Variants in TIMP3 observed in about 807,000 individuals in gnomAD.
TIMP3 encodes metalloproteinase inhibitor 3.
Under a neutral mutation model 30.0 loss-of-function variants are expected in TIMP3, and 11 were observed. The observed-to-expected ratio is 0.37, with a 90% CI of 0.23 to 0.61. The LOEUF is 0.61. Among genes scored for constraint, TIMP3 ranks in the 20% least tolerant of loss-of-function variants. The pLI, the probability that TIMP3 is intolerant of heterozygous loss-of-function variation, is 0.70. For missense variants in TIMP3, 181 were observed against 276.8 expected, an observed-to-expected ratio of 0.65 and a Z score of 2.45; for synonymous variants, 112 against 111.3, an observed-to-expected ratio of 1.01 and a Z score of -0.04.
intron 2 of TIMP3, among the ~76,000 whole-genome samples, chr22:32,856,589 C>A (rs1215086341): frequency 6.6e-6 from 1 of 152,126 alleles, no homozygotes; most frequent in African/African-American, 2.4e-5. Flanking sequence ...TTGATATATT[C>A]AAAAATGTAT....
chr22:32,839,134 T>C (rs974674059), intron 1 of TIMP3, among the ~76,000 whole-genome samples: 1 of 151,924 alleles, frequency 6.6e-6, no homozygotes, highest in Non-Finnish European at 1.5e-5. Flanking sequence ...CAGGTTCATA[T>C]AGTGATGGGG....
chr22:32,847,376 G>A (rs2048096588), intron 1 of TIMP3, among the ~76,000 whole-genome samples: 1 of 152,182 alleles, frequency 6.6e-6, no homozygotes, highest in African/African-American at 2.4e-5. Flanking sequence ...TTTTACAGCA[G>A]ACTTGGAAAC....
Position 32,859,669 on chromosome 22 carries a change from A to C in TIMP3, c.*292A>C. On this transcript the variant is annotated 3_prime_UTR_variant, in exon 5 of 5. Transcript: ENST00000266085. ...TATTCCTCTTCTTCGTGATAATATA[A>C]TCTCTATTTTTTTAGGAAAACAAAA... 2.4e-6 allele frequency: 1 copy of C among 410,730 alleles called. No individual in the cohort carries two copies. The highest frequency in any genetic ancestry group is 4.3e-6 in the Non-Finnish European group (1 of 230,216). 25.4% of individuals were successfully genotyped at this position (410,730 alleles called of 1,614,324 possible).
At chr22:32,819,730 C>T (rs942442833) in intron 1 of TIMP3, among the ~76,000 whole-genome samples, 12 of 152,042 alleles carry the variant, frequency 7.9e-5, no homozygotes, top group African/African-American at 2.4e-4. Context: ...CTTTTGTTTT[C>T]GAAAGTTCAA....
Position 32,859,626 on chromosome 22 carries a change from G to T in TIMP3, c.*249G>T. 1 of 525,248 alleles carries T rather than the reference G, an allele frequency of 1.9e-6. No individual in the cohort carries two copies. The highest frequency in any genetic ancestry group is 3.4e-6 in the Non-Finnish European group (1 of 297,226). The allele number at this position is 525,248 out of a possible 1,614,324, so 32.5% of individuals were successfully genotyped here. On this transcript the variant is annotated 3_prime_UTR_variant, in exon 5 of 5. Coordinates refer to ENST00000266085, the MANE Select transcript of TIMP3 (RefSeq NM_000362.5). ...CCTGGGAATTTCTGGTGCCATGCCA[G>T]AAAGAATGAGGAACCTGTATTCCTC...
chr22:32,857,212 G>T, intron 2 of TIMP3, 37 bp from the exon 3 acceptor site: 1 of 1,538,616 alleles, frequency 6.5e-7, no homozygotes, highest in Non-Finnish European at 9.0e-7. Context: ...TGTCCAAACT[G>T]GGAAAGAAGA....
intron 1 of TIMP3, among the ~76,000 whole-genome samples, chr22:32,814,705 A>T (rs952537045): frequency 6.6e-6 from 1 of 152,214 alleles, no homozygotes; most frequent in African/African-American, 2.4e-5. Flanking sequence ...TTTGTTTCAA[A>T]AAGTTAATTA....
chr22:32,811,329 A>G (rs1306239283), intron 1 of TIMP3, among the ~76,000 whole-genome samples: 2 of 152,250 alleles, frequency 1.3e-5, no homozygotes, highest in African/African-American at 4.8e-5. Flanking sequence ...AGTCTATACA[A>G]GAGACTGATT....
At chr22:32,804,136 T>C (rs1488326291) in intron 1 of TIMP3, among the ~76,000 whole-genome samples, 1 of 152,092 alleles carries the variant, frequency 6.6e-6, no homozygotes, top group Non-Finnish European at 1.5e-5. Context: ...ACCAGGAGAT[T>C]GTGGAATCAA....
chr22:32,825,850 T>C (rs541965137), intron 1 of TIMP3, among the ~76,000 whole-genome samples: 2 of 152,176 alleles, frequency 1.3e-5, no homozygotes, highest in South Asian at 4.1e-4. Context: ...GAAAACAACA[T>C]AGCCATTCAA....
intron 1 of TIMP3, among the ~76,000 whole-genome samples, chr22:32,847,506 C>G (rs2048101690): frequency 6.6e-6 from 1 of 152,186 alleles, no homozygotes; most frequent in Non-Finnish European, 1.5e-5. Flanking sequence ...CATCTGAACC[C>G]TGACTTCATG....
chr22:32,809,581 G>T (rs2046857773), intron 1 of TIMP3, among the ~76,000 whole-genome samples: 1 of 152,038 alleles, frequency 6.6e-6, no homozygotes, highest in Admixed American at 6.5e-5. Context: ...GTTTGGAACA[G>T]TTATCCGACA....
chr22:32,821,187 C>T (rs899796577), intron 1 of TIMP3, among the ~76,000 whole-genome samples: 3 of 152,146 alleles, frequency 2.0e-5, no homozygotes, highest in Admixed American at 1.3e-4. Context: ...CTGCCTTTTA[C>T]CACTGGAGTT....
rs141376631 is a variant in TIMP3 at position 32,846,398 on chromosome 22, T to C, written c.122-3054T>C. ...CTCCCAGGCCTTAGCTTACAGTGCA[T>C]GTTAGAAGTCTGAAGATGGTATGCC... On this transcript the variant is annotated intron_variant, in intron 1 of 4. Transcript: ENST00000266085. 6.6e-5 allele frequency among the ~76,000 whole-genome samples: 10 copies of C among 152,356 alleles called. No homozygotes were observed. In the East Asian group the frequency reaches 1.9e-3, roughly 29 times the overall value.
intron 1 of TIMP3, among the ~76,000 whole-genome samples, chr22:32,825,988 T>C (rs886507060): frequency 1.3e-5 from 2 of 152,204 alleles, no homozygotes; most frequent in Non-Finnish European, 2.9e-5. Flanking sequence ...GGGAAAAGTC[T>C]TGAAGGTAAT....
intron 1 of TIMP3, among the ~76,000 whole-genome samples, chr22:32,814,320 A>AAAGAAAGAAAGAAAGAAAGAAAGAAAGG (rs1403362319): frequency 3.5e-5 from 5 of 144,704 alleles, no homozygotes; most frequent in African/African-American, 1.1e-4. Context: ...AGAGAGACAG[A>AAAGAAAGAAAGAAAGAAAGAAAGAAAGG]AAGAAAGAAA....
intron 1 of TIMP3, among the ~76,000 whole-genome samples, chr22:32,809,609 T>G (rs144333148): frequency 2.8e-4 from 43 of 152,322 alleles, no homozygotes; most frequent in African/African-American, 8.7e-4. Flanking sequence ...ATGTGTTGAG[T>G]GTTGATTAAC....
chr22:32,849,622 C>T, intron 2 of TIMP3, 88 bp downstream of exon 2: 2 of 1,169,618 alleles, frequency 1.7e-6, no homozygotes, highest in Non-Finnish European at 2.5e-6. Flanking sequence ...TGGGTTGGAA[C>T]TGGGGTGTGT....
chr22:32,848,186 G>A (rs2048122824), intron 1 of TIMP3, among the ~76,000 whole-genome samples: 1 of 152,208 alleles, frequency 6.6e-6, no homozygotes, highest in Non-Finnish European at 1.5e-5. Context: ...TCCTCTTTCT[G>A]TTCCCAGTGC....
Sources: allele counts gnomAD v4.1 joint callset (sites outside exome capture counted in the v4.1 genomes callset), GRCh38; gene constraint gnomAD v4.1.1; transcripts MANE v1.5; gene names NCBI Gene and HGNC (gene_info 2026-07-23, HGNC 2026-07-21).